CALN1: variants seen among roughly 807,000 people sequenced by gnomAD.
The protein encoded by CALN1 is calneuron 1, also known as calcium-binding protein 8.
Under a neutral mutation model 30.6 loss-of-function variants are expected in CALN1, and 17 were observed. The ratio of observed to expected loss-of-function variants is 0.56; its 90% confidence interval spans 0.38 to 0.83. The LOEUF is 0.83. Among genes scored for constraint, CALN1 ranks in the 40% least tolerant of loss-of-function variants. CALN1 has a pLI of 0.00. For synonymous variants in CALN1, 156 were observed against 131.4 expected, an observed-to-expected ratio of 1.19 and a Z score of -1.28; for missense variants, 291 against 354.9, an observed-to-expected ratio of 0.82 and a Z score of 1.45.
intron 3 of CALN1, among the ~76,000 whole-genome samples, chr7:72,250,899 T>C (rs900988496): frequency 3.1e-4 from 47 of 152,242 alleles, no homozygotes; most frequent in African/African-American, 1.1e-3. Context: ...TATATAGCAA[T>C]GCAAAATGAT....
At chr7:72,208,615 G>A (rs1792068149) in intron 3 of CALN1, among the ~76,000 whole-genome samples, 1 of 152,154 alleles carries the variant, frequency 6.6e-6, no homozygotes, top group Admixed American at 6.6e-5. Context: ...AGAATGCCTG[G>A]AGACTTTTAT....
the CALN1 span, among the ~76,000 whole-genome samples, chr7:72,503,829 A>C: frequency 8.4e-6 from 1 of 119,206 alleles, no homozygotes; most frequent in Admixed American, 8.2e-5. Context: ...CTGGCCAGAG[A>C]GGAGGATCGC....
chr7:72,214,451 C>T (rs930232772), intron 3 of CALN1, among the ~76,000 whole-genome samples: 2 of 151,788 alleles, frequency 1.3e-5, no homozygotes, highest in African/African-American at 4.8e-5. Context: ...TGCACTCCAG[C>T]CTGGGAGACA....
intron 2 of CALN1, among the ~76,000 whole-genome samples, chr7:72,399,815 T>A (rs1221740010): frequency 6.6e-6 from 1 of 152,158 alleles, no homozygotes; most frequent in Non-Finnish European, 1.5e-5. Flanking sequence ...TGGGGCCTAG[T>A]GGGAGGTGTT....
intron 1 of CALN1, among the ~76,000 whole-genome samples, chr7:72,443,763 T>C (rs1808434202): frequency 6.6e-6 from 1 of 151,864 alleles, no homozygotes; most frequent in Admixed American, 6.6e-5. Flanking sequence ...TCACGTGGGT[T>C]CCTCCAACCC....
chr7:72,361,603 C>G (rs1186103310), intron 2 of CALN1, among the ~76,000 whole-genome samples: 1 of 152,196 alleles, frequency 6.6e-6, no homozygotes, highest in South Asian at 2.1e-4. Flanking sequence ...ATATCATACA[C>G]TGGACCAAAT....
At chr7:71,912,271 T>C (rs928126787) in intron 5 of CALN1, among the ~76,000 whole-genome samples, 3 of 152,014 alleles carry the variant, frequency 2.0e-5, no homozygotes, top group African/African-American at 7.2e-5. Flanking sequence ...GACTTTCTGC[T>C]GTGCCAGAGC....
the CALN1 span, among the ~76,000 whole-genome samples, chr7:72,503,046 T>G: frequency 6.6e-6 from 1 of 152,176 alleles, no homozygotes; most frequent in South Asian, 2.1e-4. Context: ...TTCAGGAGGC[T>G]GAGGCAGGAG....
intron 5 of CALN1, among the ~76,000 whole-genome samples, chr7:71,914,249 G>C (rs572716278): frequency 3.6e-4 from 55 of 152,164 alleles, no homozygotes; most frequent in African/African-American, 1.3e-3. Flanking sequence ...GTTCTCCACT[G>C]TGTGTCCACG....
rs1802635109 is a variant in CALN1 at position 72,346,256 on chromosome 7, G to A, written c.119+56995C>T. ...CAAAAGGTCAATTGCGCAAAATGGTGTTCTCTCTTTCCTCCTCCTCCATTC... is the reference window on the plus strand; with the variant it reads ...CAAAAGGTCAATTGCGCAAAATGGTATTCTCTCTTTCCTCCTCCTCCATTC... On this transcript the variant is annotated intron_variant, in intron 2 of 6. Coordinates refer to ENST00000395275, the MANE Select transcript of CALN1 (RefSeq NM_031468.4). Among the ~76,000 whole-genome samples, 4 of 152,130 alleles carry A rather than the reference G, an allele frequency of 2.6e-5. No homozygotes were observed. The South Asian group carries it at 8.3e-4, about 32-fold the overall frequency.
At chr7:72,062,600 T>G (rs1210069177) in intron 4 of CALN1, among the ~76,000 whole-genome samples, 2 of 150,936 alleles carry the variant, frequency 1.3e-5, no homozygotes, top group Middle Eastern at 3.2e-3. Context: ...AATATATGGG[T>G]AAATATAAGA....
chr7:72,449,355 G>C (rs1808610510), upstream of CALN1, among the ~76,000 whole-genome samples: 1 of 152,176 alleles, frequency 6.6e-6, no homozygotes, highest in Admixed American at 6.5e-5. Flanking sequence ...GTGAGGGATG[G>C]AGCGGAATGG....
At chr7:71,844,063 C>G (rs1270580996) in intron 5 of CALN1, among the ~76,000 whole-genome samples, 1 of 152,088 alleles carries the variant, frequency 6.6e-6, no homozygotes, top group Non-Finnish European at 1.5e-5. Flanking sequence ...GGAGTTGGGA[C>G]AGTCATGTCA....
chr7:72,332,425 G>C (rs1260832972), intron 2 of CALN1, among the ~76,000 whole-genome samples: 1 of 152,090 alleles, frequency 6.6e-6, no homozygotes, highest in Non-Finnish European at 1.5e-5. Context: ...TGGCACATGT[G>C]TGGGTGTGTC....
chr7:71,911,107 C>G (rs1794402512), intron 5 of CALN1, among the ~76,000 whole-genome samples: 1 of 152,136 alleles, frequency 6.6e-6, no homozygotes, highest in Non-Finnish European at 1.5e-5. Context: ...AGTTAATCTT[C>G]AAAGTCCTTA....
intron 3 of CALN1, among the ~76,000 whole-genome samples, chr7:72,153,378 G>A (rs1047757356): frequency 6.6e-6 from 1 of 152,060 alleles, no homozygotes; most frequent in African/African-American, 2.4e-5. Context: ...TGCCAGTACT[G>A]GATTTCTGGA....
chr7:72,418,601 C>T (rs188120665), intron 1 of CALN1, among the ~76,000 whole-genome samples: 2 of 152,058 alleles, frequency 1.3e-5, no homozygotes, highest in African/African-American at 2.4e-5. Context: ...TCTGGACAAT[C>T]GCCCTCTGTA....
chr7:71,962,876 A>G (rs1234063220), intron 5 of CALN1, among the ~76,000 whole-genome samples: 1 of 152,230 alleles, frequency 6.6e-6, no homozygotes, highest in Non-Finnish European at 1.5e-5. Flanking sequence ...ACAAGGAAAA[A>G]TGAAATCAGA....
At chr7:71,882,710 G>T (rs1253255892) in intron 5 of CALN1, among the ~76,000 whole-genome samples, 1 of 152,054 alleles carries the variant, frequency 6.6e-6, no homozygotes, top group African/African-American at 2.4e-5. Context: ...AAGAGATGGG[G>T]TCTTGCTATG....
Sources: gnomAD v4.1 joint callset for allele counts (sites outside exome capture counted in the v4.1 genomes callset) on GRCh38, gnomAD v4.1.1 for gene constraint, MANE v1.5 for transcripts, NCBI Gene and HGNC (gene_info 2026-07-23, HGNC 2026-07-21) for gene names.